The following LCK variants were observed in gnomAD, a reference collection of about 807,000 sequenced individuals.
The protein encoded by LCK is tyrosine-protein kinase Lck.
LCK carries 14 observed loss-of-function variants against 64.6 expected under a neutral mutation model. That is an observed-to-expected ratio of 0.22 (90% CI 0.14 to 0.34). LCK has a LOEUF of 0.34. Among genes scored for constraint, LCK ranks in the 10% least tolerant of loss-of-function variants. The pLI is 1.00. For synonymous variants in LCK, 277 were observed against 263.6 expected (o/e 1.05, Z -0.49); for missense variants, 434 against 668.1 (o/e 0.65, Z 3.86).
At chr1:32,262,433 T>C (rs1217519918) in intron 1 of LCK, among the ~76,000 whole-genome samples, 1 of 148,884 alleles carries the variant, frequency 6.7e-6, no homozygotes, top group African/African-American at 2.4e-5. Context: ...CTTTTCTTTT[T>C]TTTTTTTTTG....
chr1:32,270,679 C>T (rs1269111069), intron 1 of LCK, among the ~76,000 whole-genome samples: 2 of 148,114 alleles, frequency 1.4e-5, no homozygotes, highest in Non-Finnish European at 3.0e-5. Flanking sequence ...AGGAATGAGC[C>T]ATCGTGCCCG....
At chr1:32,283,908 A>C (rs1019914164) in intron 12 of LCK, among the ~76,000 whole-genome samples, 1 of 151,898 alleles carries the variant, frequency 6.6e-6, no homozygotes, top group African/African-American at 2.4e-5. Context: ...TATTTCAGAC[A>C]GAGTCTCTGT....
At position 32,285,551 on chromosome 1, in the gene LCK, A is replaced by T; in HGVS notation, c.1365A>T (p.Arg455=). The change falls in exon 13 of 13, where the codon CGA becomes CGT. Residue 455 remains arginine, a synonymous_variant. Coordinates refer to ENST00000336890, the MANE Select transcript of LCK (RefSeq NM_005356.5). ...CGGAGGTGATTCAGAACCTGGAGCG[A>T]GGCTACCGCATGGTGCGCCCTGACA... ...TNPEVIQNLE[R]GYRMVRPDNC... is the part of the protein sequence containing the mutation. The T allele has an allele frequency of 1.2e-6, 2 of 1,614,214 alleles. No individual in the cohort carries two copies. The highest frequency in any genetic ancestry group is 1.7e-6 in the Non-Finnish European group (2 of 1,180,038).
intron 1 of LCK, among the ~76,000 whole-genome samples, chr1:32,261,575 G>A (rs1267686813): frequency 6.7e-6 from 1 of 148,732 alleles, no homozygotes; most frequent in East Asian, 2.0e-4. Flanking sequence ...GAACCTGGGA[G>A]TTGGAGGTTG....
chr1:32,276,093 C>T lies in LCK; in HGVS notation c.631+30C>T. The T allele has an allele frequency of 1.2e-6, 2 of 1,611,318 alleles. No individual in the cohort carries two copies. Among genetic ancestry groups the T allele is most frequent in the South Asian group, 1.1e-5 (1 of 90,948 alleles). ...GCCCGACGGGACCCCTCCCCCGTGC[C>T]CTATCAGCCTATCTCCCCTCAGTCC... On this transcript the variant is annotated intron_variant, in intron 7 of 12. Coordinates refer to ENST00000336890, the MANE Select transcript of LCK (RefSeq NM_005356.5). The surrounding 1 kb of genome is among the most constrained non-coding windows in gnomAD (Gnocchi z 4.6).
In LCK at chr1:32,274,559, G is replaced by A. The variant is rs41307888; in HGVS notation, c.105+125G>A. 1.7e-3 allele frequency: 1,629 copies of A among 936,268 alleles called. 1 individual carries two copies. The highest frequency in any genetic ancestry group is 3.1e-3 in the Middle Eastern group (9 of 2,880). The allele number at this position is 936,268 out of a possible 1,614,324, so 58.0% of individuals were successfully genotyped here. A position where few individuals can be genotyped will look rare whatever the true frequency, so the allele number is the denominator to read the frequency against. ...GGCCCTCTCCCCTGAAATACAGAAA[G>A]GAAAAGAGGCCCAGAGAGGGGAAGG... On this transcript the variant is annotated intron_variant, in intron 2 of 12. Coordinates refer to ENST00000336890, the MANE Select transcript of LCK (RefSeq NM_005356.5).
chr1:32,280,371 C>T (rs1640415273), intron 12 of LCK, among the ~76,000 whole-genome samples, 161 bp downstream of exon 12: 1 of 151,724 alleles, frequency 6.6e-6, no homozygotes, highest in Non-Finnish European at 1.5e-5. Flanking sequence ...CCACATCTCC[C>T]AGGGCTGGCT....
Position 32,251,457 on chromosome 1 carries a change from T to A in LCK, c.-6+86T>A, listed in dbSNP as rs574486330. On this transcript the variant is annotated intron_variant, in intron 1 of 12. Transcript: ENST00000336890. The surrounding 1 kb of genome is among the most constrained non-coding windows in gnomAD (Gnocchi z 4.0). ...TGCAGCTGTGCGGGCCCAGGCTCCC[T>A]AGGGATGCAGCAGCCCTTTGTGGCT... is the stretch of plus-strand genomic sequence containing the variant. 6.5e-6 allele frequency: 1 copy of A among 152,976 alleles called. No homozygotes were observed. The highest frequency in any genetic ancestry group is 6.5e-5 in the Admixed American group (1 of 15,314). 9.5% of individuals were successfully genotyped at this position (152,976 alleles called of 1,614,324 possible).
At chr1:32,267,487 A>G (rs640492) in intron 1 of LCK, among the ~76,000 whole-genome samples, 80,964 of 151,960 alleles carry the variant, frequency 0.53, 25,046 homozygotes, top group African/African-American at 0.84. Flanking sequence ...CGAGCTGGGC[A>G]CGGTGGCTCA....
At chr1:32,283,288 CAA>C (rs888361880) in intron 12 of LCK, among the ~76,000 whole-genome samples, 20 of 53,710 alleles carry the variant, frequency 3.7e-4, no homozygotes, top group Admixed American at 5.8e-4. Flanking sequence ...GACTCTGTCT[CAA>C]AAAAAAAAAA....
chr1:32,258,546 C>T (rs768393901), intron 1 of LCK, among the ~76,000 whole-genome samples: 4 of 150,656 alleles, frequency 2.7e-5, no homozygotes, highest in South Asian at 2.1e-4. Flanking sequence ...CTTTGGGAGG[C>T]GGAGGCAGGT....
In LCK at chr1:32,262,643, C is replaced by T. The variant is rs142737611; in HGVS notation, c.-6+11272C>T. ...TTCACCATGTTGGTCAGGCTGCTCTCGAACTCCTGGGCTCAAGGAGTCCTA... is the reference window on the plus strand; with the variant it reads ...TTCACCATGTTGGTCAGGCTGCTCTTGAACTCCTGGGCTCAAGGAGTCCTA... On this transcript the variant is annotated intron_variant, in intron 1 of 12. Transcript: ENST00000336890. Among the ~76,000 whole-genome samples the T allele has an allele frequency of 6.3e-3, 959 of 151,332 alleles. 10 individuals are homozygous for T. The highest frequency in any genetic ancestry group is 0.021 in the African/African-American group (879 of 41,332).
chr1:32,266,769 CCCCTT>C (rs1457972678), intron 1 of LCK, among the ~76,000 whole-genome samples: 1 of 29,166 alleles, frequency 3.4e-5, no homozygotes, highest in African/African-American at 1.8e-4. Flanking sequence ...CCCTCCCCCT[CCCCTT>C]CCCCCTCCTC....
At position 32,279,945 on chromosome 1, in the gene LCK, C is replaced by T. The variant is rs1336140718; in HGVS notation, c.1146C>T (p.Asp382=). Residue 382 remains aspartate, a synonymous_variant, in exon 11 of 13, where the codon GAC becomes GAT. Transcript: ENST00000336890. ...VSDTLSCKIA[D]FGLARLIEDN... is the part of the protein sequence containing the mutation. ...ACACCCTGAGCTGCAAGATTGCAGA[C>T]TTTGGCCTAGCACGCCTCATTGAGG... 6.2e-7 allele frequency: 1 copy of T among 1,614,194 alleles called. No individual in the cohort carries two copies. Among genetic ancestry groups the T allele is most frequent in the African/African-American group, 1.3e-5 (1 of 75,050 alleles).
At chr1:32,260,842 G>T (rs534112538) in intron 1 of LCK, among the ~76,000 whole-genome samples, 13 of 152,144 alleles carry the variant, frequency 8.5e-5, no homozygotes, top group East Asian at 3.9e-4. Flanking sequence ...GGTTGGTCTT[G>T]AACTCCTGGC....
intron 1 of LCK, among the ~76,000 whole-genome samples, chr1:32,253,380 G>T (rs996685139): frequency 1.6e-4 from 24 of 152,078 alleles, no homozygotes; most frequent in African/African-American, 5.8e-4. Flanking sequence ...ATGCCTCCCG[G>T]GTTCAAGTGA....
At chr1:32,264,509 G>C (rs544752588) in intron 1 of LCK, among the ~76,000 whole-genome samples, 9 of 151,912 alleles carry the variant, frequency 5.9e-5, no homozygotes, top group South Asian at 2.1e-4. Flanking sequence ...AGGATGTAAG[G>C]TTTTGATATG....
At chr1:32,270,250 C>CTTTTTTTT (rs1195979098) in intron 1 of LCK, among the ~76,000 whole-genome samples, 7 of 126,668 alleles carry the variant, frequency 5.5e-5, no homozygotes, top group African/African-American at 9.2e-5. Flanking sequence ...GCCCAGCTAA[C>CTTTTTTTT]TTTTTTTTTT....
chr1:32,254,818 G>A (rs2124300974), intron 1 of LCK, among the ~76,000 whole-genome samples: 1 of 152,100 alleles, frequency 6.6e-6, no homozygotes, highest in South Asian at 2.1e-4. Context: ...GGCTGTTTTT[G>A]TTTCTAATTA....
Sources: gnomAD v4.1 joint callset for allele counts (sites outside exome capture counted in the v4.1 genomes callset) on GRCh38, gnomAD v4.1.1 for gene constraint, Gnocchi (gnomAD v3.1) non-coding constraint, MANE v1.5 for transcripts, NCBI Gene and HGNC (gene_info 2026-07-23, HGNC 2026-07-21) for gene names.